The following CPQ variants were observed in gnomAD, a reference collection of about 807,000 sequenced individuals.
The protein encoded by CPQ is carboxypeptidase Q.
CPQ carries 37 observed loss-of-function variants against 45.7 expected under a neutral mutation model. The ratio of observed to expected loss-of-function variants is 0.81; its 90% CI spans 0.62 to 1.07. The LOEUF (loss-of-function observed/expected upper bound fraction) is 1.07, where lower values mean the gene tolerates loss of function less well. Ranked by LOEUF, CPQ falls within the 50% of genes least tolerant of loss-of-function variation. The pLI is 0.00. For synonymous variants in CPQ, 186 were observed against 205.8 expected (o/e 0.90, Z 0.82); for missense variants, 537 against 572.9 (o/e 0.94, Z 0.64).
chr8:97,082,163 C>CTGTT (rs1206953879), intron 7 of CPQ, among the ~76,000 whole-genome samples: 1 of 152,148 alleles, frequency 6.6e-6, no homozygotes, highest in Non-Finnish European at 1.5e-5. Context: ...CATTTGAATG[C>CTGTT]TGTTAGGACA....
intron 7 of CPQ, among the ~76,000 whole-genome samples, chr8:97,104,025 A>C (rs1376885690): frequency 6.6e-6 from 1 of 152,164 alleles, no homozygotes; most frequent in Non-Finnish European, 1.5e-5. Context: ...TCTGAACTTC[A>C]AGGATGATAG....
chr8:96,940,009 C>T (rs80198869), intron 4 of CPQ, among the ~76,000 whole-genome samples: 3,612 of 152,162 alleles, frequency 0.024, 94 homozygotes, highest in African/African-American at 0.066. Flanking sequence ...TTTTTACCAT[C>T]AATACTCTTT....
chr8:96,861,876 AG>A (rs1287564971), intron 3 of CPQ, among the ~76,000 whole-genome samples: 1 of 152,114 alleles, frequency 6.6e-6, no homozygotes, highest in Non-Finnish European at 1.5e-5. Context: ...GTGGGCACTC[AG>A]GAAGAAAAGC....
intron 4 of CPQ, among the ~76,000 whole-genome samples, chr8:96,923,295 G>A (rs1027077072): frequency 1.3e-5 from 2 of 152,076 alleles, no homozygotes; most frequent in Non-Finnish European, 2.9e-5. Context: ...TATAGTCTGG[G>A]TATTCAAAGG....
At chr8:96,864,534 G>A (rs1811971792) in intron 3 of CPQ, among the ~76,000 whole-genome samples, 1 of 151,974 alleles carries the variant, frequency 6.6e-6, no homozygotes, top group African/African-American at 2.4e-5. Context: ...GGCCCAAGAA[G>A]CAGTATGTAG....
chr8:97,030,214 G>A (rs540660193), intron 6 of CPQ, among the ~76,000 whole-genome samples: 1 of 152,348 alleles, frequency 6.6e-6, no homozygotes, highest in Admixed American at 6.5e-5. Context: ...ATGCTGGCAA[G>A]CAGTGATGGT....
At chr8:97,092,099 A>T (rs1811136873) in intron 7 of CPQ, among the ~76,000 whole-genome samples, 1 of 152,190 alleles carries the variant, frequency 6.6e-6, no homozygotes. Flanking sequence ...GTATACTGCT[A>T]AAATTATGAT....
chr8:96,967,084 TCTCTC>T (rs1464348959), intron 5 of CPQ, among the ~76,000 whole-genome samples: 1 of 152,240 alleles, frequency 6.6e-6, no homozygotes, highest in African/African-American at 2.4e-5. Flanking sequence ...CTATGTTAAT[TCTCTC>T]CTCCTCTTCT....
At chr8:97,083,924 CTTATT>C (rs1471680288) in intron 7 of CPQ, among the ~76,000 whole-genome samples, 3 of 152,224 alleles carry the variant, frequency 2.0e-5, no homozygotes, top group Admixed American at 6.5e-5. Flanking sequence ...GTAAGCCTCA[CTTATT>C]TTATTTTTTT....
At chr8:96,727,277 C>G (rs750007371) in intron 1 of CPQ, among the ~76,000 whole-genome samples, 2 of 152,122 alleles carry the variant, frequency 1.3e-5, no homozygotes, top group African/African-American at 2.4e-5. Context: ...GAGCAAGCAG[C>G]TATTTAGTCC....
intron 7 of CPQ, among the ~76,000 whole-genome samples, chr8:97,070,952 A>G (rs903335663): frequency 6.6e-6 from 1 of 152,206 alleles, no homozygotes; most frequent in Non-Finnish European, 1.5e-5. Context: ...CTTCTTGAAT[A>G]TATTTCTTCT....
intron 7 of CPQ, among the ~76,000 whole-genome samples, chr8:97,119,267 T>C (rs528065058): frequency 7.1e-6 from 1 of 140,628 alleles, no homozygotes; most frequent in South Asian, 2.2e-4. Flanking sequence ...AGGCAGAAGT[T>C]ACAGTGAGCT....
chr8:96,797,682 C>T lies in CPQ; in HGVS notation c.433+12352C>T, dbSNP rs892788271. On this transcript the variant is annotated intron_variant, in intron 2 of 7. Transcript: ENST00000220763. ...TTTTAATCTCAGTGCTTTGGGAGGC[C>T]GAGGCAGATGGATCACCTGAGGTTA... 4.6e-5 allele frequency among the ~76,000 whole-genome samples: 7 copies of T among 152,036 alleles called. 1 individual carries two copies. The highest frequency in any genetic ancestry group is 2.0e-4 in the Admixed American group (3 of 15,254).
At chr8:97,079,706 G>A (rs768485287) in intron 7 of CPQ, among the ~76,000 whole-genome samples, 37 of 152,204 alleles carry the variant, frequency 2.4e-4, no homozygotes, top group Non-Finnish European at 4.7e-4. Flanking sequence ...TTAAACTGCC[G>A]GGGCCTCACA....
intron 7 of CPQ, among the ~76,000 whole-genome samples, chr8:97,142,261 A>T (rs1812181187): frequency 6.6e-6 from 1 of 152,370 alleles, no homozygotes; most frequent in South Asian, 2.1e-4. Flanking sequence ...ACTAGAATCC[A>T]TAAGATGGGT....
chr8:96,678,893 C>T (rs535778656), intron 1 of CPQ, among the ~76,000 whole-genome samples: 2 of 148,596 alleles, frequency 1.3e-5, no homozygotes, highest in Non-Finnish European at 3.0e-5. Context: ...TGATTGTTTT[C>T]TTTGTTCTGC....
At chr8:96,950,451 C>T (rs1281400978) in intron 4 of CPQ, among the ~76,000 whole-genome samples, 20 of 152,090 alleles carry the variant, frequency 1.3e-4, no homozygotes, top group Non-Finnish European at 1.6e-4. Context: ...AGGTCTCTGT[C>T]ATTAGAAAGG....
chr8:96,662,736 A>G (rs1586349264), intron 1 of CPQ, among the ~76,000 whole-genome samples: 1 of 152,194 alleles, frequency 6.6e-6, no homozygotes. Flanking sequence ...GCTCATGCAT[A>G]CAATCCCAGC....
chr8:96,743,547 G>A (rs1810127391), intron 1 of CPQ, among the ~76,000 whole-genome samples: 1 of 152,086 alleles, frequency 6.6e-6, no homozygotes, highest in Non-Finnish European at 1.5e-5. Flanking sequence ...AGGAGGAGAG[G>A]CACTCTGCTT....
Sources: gnomAD v4.1 joint callset for allele counts (sites outside exome capture counted in the v4.1 genomes callset) on GRCh38, gnomAD v4.1.1 for gene constraint, MANE v1.5 for transcripts, NCBI Gene and HGNC (gene_info 2026-07-23, HGNC 2026-07-21) for gene names.